EYA1: variants seen among roughly 807,000 people sequenced by gnomAD.
EYA1 encodes the protein EYA transcriptional coactivator and phosphatase 1.
In EYA1, 16 loss-of-function variants were observed where a neutral mutation model predicts 82.0. That is an observed-to-expected ratio of 0.20 (90% CI 0.13 to 0.30). The LOEUF is 0.30. EYA1 is among the 10% of genes least tolerant of loss of function. The probability of loss-of-function intolerance (pLI) is 1.00; values close to 1 mark genes in which losing one functional copy is unlikely to be tolerated. For missense variants in EYA1, 633 were observed against 730.7 expected (o/e 0.87, Z 1.54); for synonymous variants, 261 against 264.4 (o/e 0.99, Z 0.12).
intron 2 of EYA1, among the ~76,000 whole-genome samples, chr8:71,382,622 G>A (rs1165307982): frequency 6.6e-6 from 1 of 151,954 alleles, no homozygotes; most frequent in Non-Finnish European, 1.5e-5. Context: ...TATGGACAGG[G>A]CATTTTCTCA....
At chr8:71,211,767 A>G (rs919873145) in intron 16 of EYA1, among the ~76,000 whole-genome samples, 4 of 152,256 alleles carry the variant, frequency 2.6e-5, no homozygotes, top group African/African-American at 9.6e-5. Flanking sequence ...AAACGCAAAC[A>G]TCGGAATTAG....
At position 71,503,758 on chromosome 8, in the gene EYA1, A is replaced by G. The variant is rs752563599; in HGVS notation, c.33+31986T>C. ...TAATCCTTATAAACTACTACTTTGC[A>G]TGCTCACTTAAAAAATAGGTAAACT... is the stretch of plus-strand genomic sequence containing the variant. On this transcript the variant is annotated intron_variant, in intron 2 of 18. Coordinates refer to the EYA1 transcript ENST00000643681. Among the ~76,000 whole-genome samples, 14 of 152,216 alleles carry G rather than the reference A, an allele frequency of 9.2e-5. 1 individual carries two copies. In the South Asian group the frequency reaches 2.7e-3, roughly 29 times the overall value.
At chr8:71,499,999 G>A (rs893836716) in intron 2 of EYA1, among the ~76,000 whole-genome samples, 2 of 152,162 alleles carry the variant, frequency 1.3e-5, no homozygotes, top group African/African-American at 4.8e-5. Context: ...GAATGATGGG[G>A]CTGGATAGTA....
chr8:71,333,797 G>C (rs1233092909), intron 4 of EYA1, among the ~76,000 whole-genome samples: 1 of 152,174 alleles, frequency 6.6e-6, no homozygotes, highest in Non-Finnish European at 1.5e-5. Context: ...GAGAGAACGG[G>C]GGAGGAGTCA....
chr8:71,328,077 G>C (rs1823379238), intron 4 of EYA1, among the ~76,000 whole-genome samples: 2 of 151,948 alleles, frequency 1.3e-5, no homozygotes. Flanking sequence ...GGATGGTCTT[G>C]ACCTCCTGTC....
chr8:71,202,939 C>T (rs1052231540), intron 17 of EYA1, among the ~76,000 whole-genome samples: 19 of 152,162 alleles, frequency 1.2e-4, no homozygotes, highest in South Asian at 4.1e-4. Flanking sequence ...TCCCTAAGTA[C>T]GTACTGATGT....
chr8:71,523,173 C>CTTTT (rs201950125), intron 2 of EYA1, among the ~76,000 whole-genome samples: 1,449 of 110,706 alleles, frequency 0.013, 191 homozygotes, highest in African/African-American at 0.045. Context: ...TTTCTTTTTT[C>CTTTT]TTTTTCTTTT....
At chr8:71,383,534 G>C (rs1828823822) in intron 2 of EYA1, among the ~76,000 whole-genome samples, 1 of 151,994 alleles carries the variant, frequency 6.6e-6, no homozygotes, top group Admixed American at 6.6e-5. Context: ...ATAAACTAAA[G>C]CTACATACAT....
At chr8:71,393,926 C>T (rs1435936332) in intron 2 of EYA1, among the ~76,000 whole-genome samples, 1 of 152,186 alleles carries the variant, frequency 6.6e-6, no homozygotes, top group Admixed American at 6.5e-5. Context: ...TAAAAGCATT[C>T]CTATTTCTCC....
chr8:71,419,669 T>G (rs770769685), intron 2 of EYA1, among the ~76,000 whole-genome samples: 9 of 152,146 alleles, frequency 5.9e-5, no homozygotes, highest in Non-Finnish European at 1.2e-4. Context: ...TTTTGAAATT[T>G]TCCATAAAGT....
chr8:71,358,749 AT>A (rs2129074839), intron 1 of EYA1, among the ~76,000 whole-genome samples: 1 of 152,244 alleles, frequency 6.6e-6, no homozygotes, highest in East Asian at 1.9e-4. Flanking sequence ...CCTATTTCTG[AT>A]TGCTGTTGAT....
chr8:71,283,602 T>C (rs1466787465), intron 9 of EYA1, among the ~76,000 whole-genome samples: 1 of 152,080 alleles, frequency 6.6e-6, no homozygotes, highest in Non-Finnish European at 1.5e-5. Flanking sequence ...TGATCATTGA[T>C]AATCTCCAAG....
At chr8:71,365,848 A>G (rs1433332208), upstream of EYA1, among the ~76,000 whole-genome samples, 1 of 152,178 alleles carries the variant, frequency 6.6e-6, no homozygotes, top group Non-Finnish European at 1.5e-5. Flanking sequence ...TCCTCTATTT[A>G]TTTTAAGAAT....
chr8:71,509,865 A>G (rs1466146096), intron 2 of EYA1, among the ~76,000 whole-genome samples: 1 of 152,050 alleles, frequency 6.6e-6, no homozygotes, highest in Non-Finnish European at 1.5e-5. Flanking sequence ...TCCTGCCTTA[A>G]AAAGCCAATA....
chr8:71,284,701 T>C (rs1282574639), intron 9 of EYA1, among the ~76,000 whole-genome samples: 1 of 152,232 alleles, frequency 6.6e-6, no homozygotes, highest in Admixed American at 6.5e-5. Flanking sequence ...TTTCATCCTT[T>C]AAAAAATTTA....
At chr8:71,406,645 C>T (rs1268031867) in intron 2 of EYA1, among the ~76,000 whole-genome samples, 1 of 152,178 alleles carries the variant, frequency 6.6e-6, no homozygotes, top group African/African-American at 2.4e-5. Context: ...CACTCTCACC[C>T]GAATATTGCG....
At chr8:71,260,753 T>C (rs1033440285) in intron 11 of EYA1, among the ~76,000 whole-genome samples, 3 of 152,038 alleles carry the variant, frequency 2.0e-5, no homozygotes, top group African/African-American at 2.4e-5. Flanking sequence ...TTACTGGGAG[T>C]TGTGGTAGCC....
chr8:71,216,248 C>T (rs1282781262), intron 14 of EYA1, among the ~76,000 whole-genome samples: 2 of 152,198 alleles, frequency 1.3e-5, no homozygotes, highest in East Asian at 3.8e-4. Context: ...AACCTCACCC[C>T]TAAACTTTTT....
At chr8:71,360,676 G>T (rs1197374324) in intron 1 of EYA1, among the ~76,000 whole-genome samples, 1 of 152,166 alleles carries the variant, frequency 6.6e-6, no homozygotes, top group Non-Finnish European at 1.5e-5. Flanking sequence ...CCCAGACTGT[G>T]GGGGAAAAGA....
Sources: allele counts gnomAD v4.1 joint callset (sites outside exome capture counted in the v4.1 genomes callset), GRCh38; gene constraint gnomAD v4.1.1; transcripts MANE v1.5; gene names NCBI Gene and HGNC (gene_info 2026-07-23, HGNC 2026-07-21).